ACTR3C: variants seen among roughly 807,000 people sequenced by gnomAD.
The protein encoded by ACTR3C is actin related protein 3C, also known as actin-related protein 3C.
ACTR3C carries 18 observed loss-of-function variants against 26.3 expected under a neutral mutation model. The ratio of observed to expected loss-of-function variants is 0.68; its 90% CI spans 0.47 to 1.01. The LOEUF is 1.01. ACTR3C is among the 50% of genes least tolerant of loss of function. ACTR3C has a pLI of 0.00. For synonymous variants in ACTR3C, 55 were observed against 94.5 expected, an observed-to-expected ratio of 0.58 and a Z score of 2.42; for missense variants, 184 against 250.7, an observed-to-expected ratio of 0.73 and a Z score of 1.80.
the ACTR3C span, among the ~76,000 whole-genome samples, chr7:150,024,835 T>C: frequency 1.0e-4 from 15 of 146,426 alleles, no homozygotes; most frequent in African/African-American, 3.8e-4. Context: ...ATCTGTGCAA[T>C]TCATGCATTA....
At chr7:150,291,928 G>A (rs1389289732) in intron 3 of ACTR3C, among the ~76,000 whole-genome samples, 2 of 151,544 alleles carry the variant, frequency 1.3e-5, no homozygotes, top group Non-Finnish European at 2.9e-5. Flanking sequence ...AGGACACATA[G>A]CCAGGAGTAC....
chr7:150,279,581 C>G (rs1225909751), intron 6 of ACTR3C, among the ~76,000 whole-genome samples: 1 of 151,624 alleles, frequency 6.6e-6, no homozygotes, highest in Non-Finnish European at 1.5e-5. Flanking sequence ...GGTTTGTTTC[C>G]CACTACCTTC....
the ACTR3C span, among the ~76,000 whole-genome samples, chr7:149,920,365 GGCGC>G: frequency 2.6e-5 from 4 of 151,336 alleles, no homozygotes; most frequent in East Asian, 2.0e-4. Flanking sequence ...GGAGTGCAGT[GGCGC>G]AGTCACAACT....
chr7:149,884,473 TA>T, the ACTR3C span, among the ~76,000 whole-genome samples: 3 of 151,872 alleles, frequency 2.0e-5, no homozygotes, highest in South Asian at 6.2e-4. Context: ...TTGATGAGAG[TA>T]GATTTCACAA....
chr7:149,987,385 G>A, the ACTR3C span, among the ~76,000 whole-genome samples: 2 of 147,548 alleles, frequency 1.4e-5, no homozygotes, highest in African/African-American at 4.9e-5. Flanking sequence ...GGCCAACATG[G>A]TGAAACCCTA....
chr7:150,117,201 C>T, the ACTR3C span, among the ~76,000 whole-genome samples: 2 of 152,094 alleles, frequency 1.3e-5, no homozygotes, highest in African/African-American at 2.4e-5. Flanking sequence ...TTTATCATAC[C>T]CCAGTGCTTC....
the ACTR3C span, among the ~76,000 whole-genome samples, chr7:150,037,819 G>A: frequency 1.1e-4 from 8 of 70,374 alleles, 3 homozygotes; most frequent in Non-Finnish European, 2.6e-4. Context: ...AAGAGGGACT[G>A]GCACTCAGTC....
chr7:150,245,275 G>C (rs1418749814), downstream of ACTR3C: 3 of 152,264 alleles, frequency 2.0e-5, no homozygotes, highest in Non-Finnish European at 4.4e-5. Flanking sequence ...GAACCTAGGA[G>C]CATTAGCCAT....
chr7:149,967,935 T>C, the ACTR3C span, among the ~76,000 whole-genome samples: 1 of 152,146 alleles, frequency 6.6e-6, no homozygotes, highest in Admixed American at 6.5e-5. Context: ...AGATGTTAGG[T>C]CCTCAACAAG....
At chr7:150,260,279 G>C (rs1833546936) in intron 6 of ACTR3C, among the ~76,000 whole-genome samples, 1 of 152,020 alleles carries the variant, frequency 6.6e-6, no homozygotes, top group South Asian at 2.1e-4. Context: ...TATTCAACAG[G>C]GTGTCTAGCA....
chr7:149,886,810 G>C, the ACTR3C span, among the ~76,000 whole-genome samples: 2 of 152,036 alleles, frequency 1.3e-5, no homozygotes, highest in Non-Finnish European at 2.9e-5. Flanking sequence ...ACAAAAAGTA[G>C]TCGAGTGTGT....
At chr7:150,000,188 T>C in the ACTR3C span, among the ~76,000 whole-genome samples, 1 of 152,146 alleles carries the variant, frequency 6.6e-6, no homozygotes, top group African/African-American at 2.4e-5. Flanking sequence ...TCTTCCAAAG[T>C]ATGATTTTAA....
chr7:149,981,371 C>G, the ACTR3C span, among the ~76,000 whole-genome samples: 69,513 of 151,492 alleles, frequency 0.46, 17,414 homozygotes, highest in South Asian at 0.57. Flanking sequence ...ACTATCACCT[C>G]AGACCAAATC....
chr7:149,977,912 G>C, the ACTR3C span, among the ~76,000 whole-genome samples: 1 of 151,460 alleles, frequency 6.6e-6, no homozygotes, highest in South Asian at 2.1e-4. Flanking sequence ...TTTTATTTTA[G>C]AGAAGCAGAA....
At chr7:149,925,881 G>C in the ACTR3C span, among the ~76,000 whole-genome samples, 1 of 152,094 alleles carries the variant, frequency 6.6e-6, no homozygotes, top group Admixed American at 6.5e-5. Flanking sequence ...GACCAATATG[G>C]TGAAACCCCC....
the ACTR3C span, among the ~76,000 whole-genome samples, chr7:150,209,564 A>T: frequency 6.6e-5 from 10 of 150,720 alleles, no homozygotes; most frequent in Non-Finnish European, 1.5e-4. Context: ...ACATATGGTT[A>T]TCCACATTGC....
At chr7:150,199,688 TAA>T in the ACTR3C span, among the ~76,000 whole-genome samples, 4,401 of 36,274 alleles carry the variant, frequency 0.12, 169 homozygotes, top group East Asian at 0.22. Context: ...ACAAGAAAAG[TAA>T]AAAAAAAAAA....
chr7:149,928,604 G>A, the ACTR3C span, among the ~76,000 whole-genome samples: 2 of 151,940 alleles, frequency 1.3e-5, no homozygotes, highest in Non-Finnish European at 2.9e-5. Context: ...CACCTTGGGA[G>A]GCAGAGGTGG....
At chr7:149,973,621 T>C in the ACTR3C span, among the ~76,000 whole-genome samples, 2 of 152,080 alleles carry the variant, frequency 1.3e-5, no homozygotes, top group Non-Finnish European at 2.9e-5. Flanking sequence ...ACTGATGTAA[T>C]TAATTGATAT....
Sources: gnomAD v4.1 joint callset for allele counts (sites outside exome capture counted in the v4.1 genomes callset) on GRCh38, gnomAD v4.1.1 for gene constraint, MANE v1.5 for transcripts, NCBI Gene and HGNC (gene_info 2026-07-23, HGNC 2026-07-21) for gene names.